Variants in SGK3 observed in about 807,000 individuals in gnomAD.
SGK3 encodes serum/glucocorticoid regulated kinase family member 3, also known as serine/threonine-protein kinase Sgk3.
SGK3 carries 47 observed loss-of-function variants against 68.5 expected under a neutral mutation model. The observed-to-expected ratio is 0.69, with a 90% CI of 0.54 to 0.87. SGK3 has a LOEUF of 0.87. Among genes scored for constraint, SGK3 ranks in the 40% least tolerant of loss-of-function variants. The pLI, the probability that SGK3 is intolerant of heterozygous loss-of-function variation, is 0.00. For synonymous variants in SGK3, 181 were observed against 189.1 expected, an observed-to-expected ratio of 0.96 and a Z score of 0.35; for missense variants, 479 against 575.5, an observed-to-expected ratio of 0.83 and a Z score of 1.72.
chr8:66,723,131 A>AT (rs1177940065), intron 1 of SGK3, among the ~76,000 whole-genome samples: 361 of 29,512 alleles, frequency 0.012, 39 homozygotes, highest in East Asian at 0.027. Flanking sequence ...ATATATATAT[A>AT]TTTTTTTTTT....
intron 1 of SGK3, among the ~76,000 whole-genome samples, chr8:66,783,357 C>G (rs1162402666): frequency 6.6e-6 from 1 of 152,120 alleles, no homozygotes; most frequent in South Asian, 2.1e-4. Context: ...AGATAACAGT[C>G]CTTTATTGGC....
At chr8:66,787,299 A>G (rs1436589197) in intron 1 of SGK3, among the ~76,000 whole-genome samples, 1 of 152,066 alleles carries the variant, frequency 6.6e-6, no homozygotes, top group African/African-American at 2.4e-5. Flanking sequence ...TGTTCATTGA[A>G]TTAAGGAATA....
chr8:66,846,159 A>T (rs1390625690), intron 14 of SGK3, among the ~76,000 whole-genome samples: 1 of 152,124 alleles, frequency 6.6e-6, no homozygotes, highest in Non-Finnish European at 1.5e-5. Context: ...CTTTGGAAAA[A>T]TGTTTCTGGT....
chr8:66,838,453 C>T (rs1414811243), intron 10 of SGK3, among the ~76,000 whole-genome samples: 4 of 151,966 alleles, frequency 2.6e-5, no homozygotes, highest in African/African-American at 9.7e-5. Flanking sequence ...AGTGTCAGAC[C>T]CTGCATTTAA....
chr8:66,839,980 C>G lies in SGK3; in HGVS notation c.742-23C>G, dbSNP rs184129343. On this transcript the variant is annotated intron_variant, in intron 10 of 16. Coordinates refer to ENST00000521198, the MANE Select transcript of SGK3 (RefSeq NM_001033578.3). The stretch of plus-strand genomic sequence containing the variant: ...ATGATCCTAACATTCTCTCTCCCCC[C>G]ACCCCCACAACCAATTTGACAGCTT... The G allele has an allele frequency of 6.7e-5, 108 of 1,604,358 alleles. No homozygotes were observed. In the East Asian group the frequency reaches 7.8e-4, roughly 12 times the overall value.
At chr8:66,806,769 G>A (rs575392173) in intron 4 of SGK3, among the ~76,000 whole-genome samples, 12 of 146,156 alleles carry the variant, frequency 8.2e-5, no homozygotes, top group East Asian at 4.0e-4. Flanking sequence ...AGCCAAGATC[G>A]CACCATTGCA....
At chr8:66,739,406 T>C (rs907817694) in intron 1 of SGK3, among the ~76,000 whole-genome samples, 1 of 152,124 alleles carries the variant, frequency 6.6e-6, no homozygotes, top group Admixed American at 6.6e-5. Context: ...TATTTATTTA[T>C]TTTTTGAGAC....
intron 8 of SGK3, among the ~76,000 whole-genome samples, chr8:66,832,800 A>T (rs1215701044): frequency 6.6e-6 from 1 of 151,714 alleles, no homozygotes; most frequent in East Asian, 1.9e-4. Context: ...TCTTATCAGG[A>T]TTTGGTTCTT....
intron 1 of SGK3, among the ~76,000 whole-genome samples, chr8:66,714,376 A>G (rs917846927): frequency 2.0e-4 from 30 of 152,206 alleles, no homozygotes; most frequent in African/African-American, 6.8e-4. Context: ...GCCCTCTTCA[A>G]ATGTGCACCA....
At chr8:66,779,581 T>G (rs1385818812) in intron 1 of SGK3, among the ~76,000 whole-genome samples, 2 of 136,162 alleles carry the variant, frequency 1.5e-5, no homozygotes, top group African/African-American at 5.2e-5. Context: ...TATATATATA[T>G]ATATATATAT....
At chr8:66,793,412 T>C (rs1324900045) in intron 1 of SGK3, among the ~76,000 whole-genome samples, 1 of 152,114 alleles carries the variant, frequency 6.6e-6, no homozygotes, top group African/African-American at 2.4e-5. Flanking sequence ...AATTTCCTAA[T>C]AGTAAGAAAG....
chr8:66,842,990 G>A (rs1809857731), intron 13 of SGK3, among the ~76,000 whole-genome samples: 1 of 152,090 alleles, frequency 6.6e-6, no homozygotes, highest in Non-Finnish European at 1.5e-5. Context: ...AGTATCACCT[G>A]AGCCCAGGAA....
intron 4 of SGK3, among the ~76,000 whole-genome samples, chr8:66,806,293 C>CT (rs1369820049): frequency 6.6e-6 from 1 of 151,616 alleles, no homozygotes; most frequent in Non-Finnish European, 1.5e-5. Context: ...AGACTTATGT[C>CT]TTTTTTTATT....
In SGK3 at chr8:66,755,109, A is replaced by G. The variant is rs551890864; in HGVS notation, c.-121-38507A>G. On this transcript the variant is annotated intron_variant, in intron 1 of 16. Coordinates refer to ENST00000521198, the MANE Select transcript of SGK3 (RefSeq NM_001033578.3). ...CCTCGTCTCTACTAAAAATACAAAA[A>G]TTAGCTGGGTGTGGTGCAGCACTCC... Among the ~76,000 whole-genome samples, 8 of 152,164 alleles carry G rather than the reference A, an allele frequency of 5.3e-5. No homozygotes were observed. In the South Asian group the frequency reaches 1.5e-3, roughly 28 times the overall value.
chr8:66,743,741 C>T (rs565154992), intron 1 of SGK3, among the ~76,000 whole-genome samples: 27 of 152,316 alleles, frequency 1.8e-4, no homozygotes, highest in South Asian at 6.2e-4. Context: ...AGGCTGGTCT[C>T]GAACTCCGGA....
intron 1 of SGK3, among the ~76,000 whole-genome samples, chr8:66,787,929 A>G (rs1476108363): frequency 2.6e-5 from 4 of 152,172 alleles, no homozygotes; most frequent in Non-Finnish European, 5.9e-5. Context: ...TTACAGGTAA[A>G]CCACCACGTG....
In SGK3 at chr8:66,754,707, G is replaced by C. The variant is rs137931841; in HGVS notation, c.-121-38909G>C. ...TTTGTATGCATTGAACTATCAGAAA[G>C]CAAAGGTGTCACTATCTCATCGCCC... is the stretch of plus-strand genomic sequence containing the variant. On this transcript the variant is annotated intron_variant, in intron 1 of 16. Transcript: ENST00000521198. 3.1e-4 allele frequency among the ~76,000 whole-genome samples: 47 copies of C among 152,350 alleles called. No individual in the cohort carries two copies. In the East Asian group the frequency reaches 7.9e-3, roughly 26 times the overall value.
intron 1 of SGK3, among the ~76,000 whole-genome samples, chr8:66,769,924 A>G (rs1442383043): frequency 6.6e-6 from 1 of 151,238 alleles, no homozygotes; most frequent in African/African-American, 2.4e-5. Context: ...TCTAACATCT[A>G]TGTCAGTTGC....
intron 2 of SGK3, among the ~76,000 whole-genome samples, chr8:66,797,229 G>A (rs1807733953): frequency 6.6e-6 from 1 of 152,158 alleles, no homozygotes; most frequent in Non-Finnish European, 1.5e-5. Flanking sequence ...GATAATTCAA[G>A]AAACTCACAA....
Sources: gnomAD v4.1 joint callset for allele counts (sites outside exome capture counted in the v4.1 genomes callset) on GRCh38, gnomAD v4.1.1 for gene constraint, MANE v1.5 for transcripts, NCBI Gene and HGNC (gene_info 2026-07-23, HGNC 2026-07-21) for gene names.